UBXN6: variants seen among roughly 807,000 people sequenced by gnomAD.
UBXN6 encodes UBX domain protein 6.
Under a neutral mutation model 51.4 loss-of-function variants are expected in UBXN6, and 44 were observed. The observed-to-expected ratio is 0.86, with a 90% CI of 0.67 to 1.10. The LOEUF (loss-of-function observed/expected upper bound fraction) is 1.10, where lower values mean the gene tolerates loss of function less well. Ranked by LOEUF, UBXN6 falls within the 50% of genes least tolerant of loss-of-function variation. The probability of loss-of-function intolerance (pLI) is 0.00; values close to 1 mark genes in which losing one functional copy is unlikely to be tolerated. For synonymous variants in UBXN6, 316 were observed against 263.2 expected (o/e 1.20, Z -1.94); for missense variants, 672 against 596.1 (o/e 1.13, Z -1.32).
At chr19:4,455,717 C>A (rs1974730748) in intron 1 of UBXN6, among the ~76,000 whole-genome samples, 1 of 152,146 alleles carries the variant, frequency 6.6e-6, no homozygotes, top group Admixed American at 6.5e-5. Flanking sequence ...GCACTGTCTG[C>A]ACCTTCTGCC....
In UBXN6 at chr19:4,453,990, G is replaced by T. The variant is rs577449025; in HGVS notation, c.187C>A (p.Leu63Met). The stretch of plus-strand genomic sequence containing the variant: ...CAGGCCCGGGACTGCTTCTGCTCCA[G>T]CCGGGCTAGGGCGGCAGCGGCTGCC... Reference protein sequence around the residue: ...QMAAAAALARLEQKQSRAWGP... With the variant: ...QMAAAAALARMEQKQSRAWGP... The change falls in exon 2 of 11, where the codon CTG (leucine) becomes ATG (methionine). Residue 63 changes from leucine to methionine, a missense_variant. By Grantham distance (15) the Leu-to-Met change is conservative (BLOSUM62 2). Transcript: ENST00000301281. The T allele has an allele frequency of 1.2e-6, 2 of 1,610,800 alleles. No individual in the cohort carries two copies. The highest frequency in any genetic ancestry group is 1.3e-5 in the African/African-American group (1 of 74,970).
At position 4,446,270 on chromosome 19, in the gene UBXN6, C is replaced by T. The variant is rs774165477; in HGVS notation, c.1051+13G>A. 8 of 1,568,868 alleles carry T rather than the reference C, an allele frequency of 5.1e-6. No individual in the cohort carries two copies. The African/African-American group carries it at 6.7e-5, about 13-fold the overall frequency. On this transcript the variant is annotated intron_variant, in intron 9 of 10. Transcript: ENST00000301281. ...AACCCGAGCCGCCCTCCACGGGCAT[C>T]GTTGGTGCCCACCCTGCAGGAGGCA... is the stretch of plus-strand genomic sequence containing the variant.
chr19:4,448,171 G>C, intron 5 of UBXN6, 147 bp downstream of exon 5: 1 of 702,470 alleles, frequency 1.4e-6, no homozygotes, highest in Middle Eastern at 3.5e-4. Context: ...TGAGGCCTCT[G>C]GGTGGAGCTG....
At position 4,446,667 on chromosome 19, in the gene UBXN6, CTG is replaced by C. The variant is rs1438731444; in HGVS notation, c.751_752del (p.Gln251GlufsTer127). The C allele has an allele frequency of 1.9e-6, 3 of 1,612,132 alleles. No homozygotes were observed. Among genetic ancestry groups the C allele is most frequent in the East Asian group, 2.2e-5 (1 of 44,864 alleles). ...VLSETTLAQP[Q>X]SLERHKEQLL... is the part of the protein sequence containing the mutation. ...GCTGTTCCTTGTGCCTCTCCAGGCT[CTG>C]GGGCTGGGCCAAGGTGGTCTCGCTC... On this transcript the variant is annotated frameshift_variant, in exon 8 of 11. Transcript: ENST00000301281. LOFTEE classifies it high-confidence loss of function.
chr19:4,447,634 G>A lies in UBXN6; in HGVS notation c.540-9C>T, dbSNP rs200865875. The A allele has an allele frequency of 1.2e-6, 2 of 1,613,814 alleles. No homozygotes were observed. The highest frequency in any genetic ancestry group is 4.5e-5 in the East Asian group (2 of 44,854). On this transcript the variant is annotated splice_polypyrimidine_tract_variant and intron_variant, in intron 5 of 10. Transcript: ENST00000301281. Reference sequence around the variant, plus strand: ...GGATGTTGTCCAGGTACCTGGGGTAGGTGGAGAAGGTGAGTGGGGCACAGC... The same window carrying A: ...GGATGTTGTCCAGGTACCTGGGGTAAGTGGAGAAGGTGAGTGGGGCACAGC...
chr19:4,446,988 G>A lies in UBXN6; in HGVS notation c.616-68C>T. The A allele has an allele frequency of 6.0e-6, 9 of 1,502,322 alleles. No homozygotes were observed. The South Asian group carries it at 8.1e-5, about 14-fold the overall frequency. The allele number at this position is 1,502,322 out of a possible 1,614,324, so 93.1% of individuals were successfully genotyped here. On this transcript the variant is annotated intron_variant, in intron 6 of 10. Transcript: ENST00000301281. ...CCATGGCCTGGCCACACCCCACCCAGTCCAGGGGCCCGGCTCTCGCTATTG... is the reference window on the plus strand; with the variant it reads ...CCATGGCCTGGCCACACCCCACCCAATCCAGGGGCCCGGCTCTCGCTATTG...
intron 1 of UBXN6, chr19:4,454,799 A>T (rs1974716096): frequency 6.6e-6 from 1 of 152,236 alleles, no homozygotes; most frequent in Non-Finnish European, 1.5e-5. Flanking sequence ...CTCAGGTCAC[A>T]GCTTCGTTTG....
Position 4,454,098 on chromosome 19 carries a change from G to A in UBXN6, c.84-5C>T. 6.5e-7 allele frequency: 1 copy of A among 1,540,768 alleles called. No individual in the cohort carries two copies. Reference sequence around the variant, plus strand: ...TTCTCTTTGTGGGCCTTTTCCCTGGGAACAGACCGAGGGAGAGTGAGTGTA... The same window carrying A: ...TTCTCTTTGTGGGCCTTTTCCCTGGAAACAGACCGAGGGAGAGTGAGTGTA... On this transcript the variant is annotated splice_polypyrimidine_tract_variant and splice_region_variant and intron_variant, in intron 1 of 10. Transcript: ENST00000301281.
At chr19:4,447,967 G>C (rs1974573044) in intron 5 of UBXN6, 1 of 502,044 alleles carries the variant, frequency 2.0e-6, no homozygotes, top group Non-Finnish European at 3.6e-6. Context: ...GGCTCCTGCG[G>C]GGTGCTCCCT....
chr19:4,457,795 TAA>T (rs397859534), upstream of UBXN6: 151 of 28,076 alleles, frequency 5.4e-3, 2 homozygotes, highest in Admixed American at 7.4e-3. Context: ...GGAAGAAAAT[TAA>T]AAAAAAAAAA....
intron 5 of UBXN6, 76 bp downstream of exon 5, chr19:4,448,242 G>C (rs945913861): frequency 2.2e-6 from 3 of 1,337,148 alleles, no homozygotes; most frequent in African/African-American, 1.4e-5. Flanking sequence ...GGGGCCAGAG[G>C]GGGTGACAGC....
Position 4,445,467 on chromosome 19 carries a change from C to G in UBXN6, c.*31G>C. 1 of 1,613,192 alleles carries G rather than the reference C, an allele frequency of 6.2e-7. No homozygotes were observed. Among genetic ancestry groups the G allele is most frequent in the Non-Finnish European group, 8.5e-7 (1 of 1,179,714 alleles). The stretch of plus-strand genomic sequence containing the variant: ...GGAACAGGGAGAGCATGAGACAGAC[C>G]CACAGGGCTGAGGCCAACCCTGCTT... On this transcript the variant is annotated 3_prime_UTR_variant, in exon 11 of 11. Coordinates refer to ENST00000301281, the MANE Select transcript of UBXN6 (RefSeq NM_025241.3).
chr19:4,452,353 G>T lies in UBXN6; in HGVS notation c.441+11C>A, dbSNP rs771112261. On this transcript the variant is annotated intron_variant, in intron 4 of 10. Coordinates refer to ENST00000301281, the MANE Select transcript of UBXN6 (RefSeq NM_025241.3). ...ACAGGTTGGGGCAGGAGCACACAGG[G>T]TGCCACTCACCAAGAGAATGGCCTC... 1.3e-5 allele frequency: 21 copies of T among 1,612,698 alleles called. No homozygotes were observed. Among genetic ancestry groups the T allele is most frequent in the Non-Finnish European group, 1.6e-5 (19 of 1,179,250 alleles).
At chr19:4,445,705 G>C in intron 10 of UBXN6, 82 bp from the exon 11 acceptor site, 2 of 1,557,564 alleles carry the variant, frequency 1.3e-6, no homozygotes, top group South Asian at 1.2e-5. Context: ...ACCTGGGCGC[G>C]GGGATGCCCC....
chr19:4,453,617 G>T (rs1974693206), intron 2 of UBXN6, 95 bp from the exon 3 acceptor site: 2 of 1,440,928 alleles, frequency 1.4e-6, no homozygotes, highest in Non-Finnish European at 1.9e-6. Context: ...GGGCCTGGGG[G>T]CCACGCACAC....
In UBXN6 at chr19:4,452,269, C is replaced by A; in HGVS notation, c.441+95G>T. 3 of 1,539,986 alleles carry A rather than the reference C, an allele frequency of 1.9e-6. No individual in the cohort carries two copies. In the South Asian group the frequency reaches 3.8e-5, roughly 19 times the overall value. On this transcript the variant is annotated intron_variant, in intron 4 of 10. Transcript: ENST00000301281. ...CTACTAGCAGTGGCCTCTGGGGACT[C>A]TGGGAGGGATCTGTACCACCTGGGC...
chr19:4,452,214 T>C, intron 4 of UBXN6, 150 bp downstream of exon 4: 1 of 1,099,140 alleles, frequency 9.1e-7, no homozygotes, highest in Non-Finnish European at 1.3e-6. Context: ...ATGGTGTGCC[T>C]GGATTTGGGG....
chr19:4,448,562 G>A (rs769538645), intron 4 of UBXN6, 147 bp from the exon 5 acceptor site: 1 of 695,160 alleles, frequency 1.4e-6, no homozygotes, highest in Non-Finnish European at 2.5e-6. Context: ...AAGGAAAAGA[G>A]AGACCCTCCA....
At position 4,446,329 on chromosome 19, in the gene UBXN6, G is replaced by GT. The variant is rs1316636317; in HGVS notation, c.1004dup (p.Asn335LysfsTer44). 6.4e-7 allele frequency: 1 copy of GT among 1,574,344 alleles called. No individual in the cohort carries two copies. Among genetic ancestry groups the GT allele is most frequent in the Admixed American group, 1.8e-5 (1 of 55,554 alleles). On this transcript the variant is annotated frameshift_variant, in exon 9 of 11. Transcript: ENST00000301281. LOFTEE classifies it high-confidence loss of function. Reference sequence around the variant, plus strand: ...GGAGGCGCACGCGCAGCAGCGTGTAGTTGTACTTGCGCAGCCCCCGCTGCT... The same window carrying GT: ...GGAGGCGCACGCGCAGCAGCGTGTAGTTTGTACTTGCGCAGCCCCCGCTGCT...
Sources: gnomAD v4.1 joint callset for allele counts (sites outside exome capture counted in the v4.1 genomes callset) on GRCh38, gnomAD v4.1.1 for gene constraint, MANE v1.5 for transcripts, NCBI Gene and HGNC (gene_info 2026-07-23, HGNC 2026-07-21) for gene names.